Variants in PRKAR1A observed in about 807,000 individuals in gnomAD.
PRKAR1A encodes protein kinase cAMP-dependent type I regulatory subunit alpha.
In PRKAR1A, 3 loss-of-function variants were observed where a neutral mutation model predicts 52.0. The ratio of observed to expected loss-of-function variants is 0.06; its 90% confidence interval spans 0.03 to 0.15. PRKAR1A has a LOEUF of 0.15. Among genes scored for constraint, PRKAR1A ranks in the 10% least tolerant of loss-of-function variants. The pLI, the probability that PRKAR1A is intolerant of heterozygous loss-of-function variation, is 1.00. For synonymous variants in PRKAR1A, 188 were observed against 168.4 expected, an observed-to-expected ratio of 1.12 and a Z score of -0.90; for missense variants, 240 against 477.4, an observed-to-expected ratio of 0.50 and a Z score of 4.63.
At chr17:68,442,857 C>T in the PRKAR1A span, among the ~76,000 whole-genome samples, 3 of 152,172 alleles carry the variant, frequency 2.0e-5, no homozygotes, top group African/African-American at 7.2e-5. Context: ...GAAGGGAACT[C>T]GTGACAACTA....
At chr17:68,423,969 C>T in the PRKAR1A span, among the ~76,000 whole-genome samples, 1 of 151,896 alleles carries the variant, frequency 6.6e-6, no homozygotes, top group African/African-American at 2.4e-5. The surrounding 1 kb of genome is among the most constrained non-coding windows in gnomAD (Gnocchi z 4.4). Flanking sequence ...TGTGGTAAAC[C>T]CTGACAGAGT....
intron 10 of PRKAR1A, 78 bp from the exon 11 acceptor site, chr17:68,530,199 T>C: frequency 1.3e-6 from 2 of 1,561,268 alleles, no homozygotes; most frequent in Non-Finnish European, 8.8e-7. Context: ...ATCTATTGTC[T>C]TCTTTCTCAG....
the PRKAR1A span, among the ~76,000 whole-genome samples, chr17:68,456,278 T>C: frequency 6.6e-6 from 1 of 152,142 alleles, no homozygotes; most frequent in South Asian, 2.1e-4. Flanking sequence ...AACAGAAACA[T>C]AAAGGGAATG....
the PRKAR1A span, among the ~76,000 whole-genome samples, chr17:68,448,838 A>T: frequency 6.6e-6 from 1 of 152,228 alleles, no homozygotes; most frequent in African/African-American, 2.4e-5. Flanking sequence ...CAAGAATTTC[A>T]TCTAAAAGCC....
rs889468694 is a variant in PRKAR1A at position 68,539,364 on chromosome 17, A to G, written c.973+9363A>G. On this transcript the variant is annotated intron_variant, in intron 11 of 11. Coordinates refer to the PRKAR1A transcript ENST00000585981. ...GCAGCACTGGGAGAGAGGCGAGAGG[A>G]TGGAGATTTCATCATGGGAGTGTCG... The G allele has an allele frequency of 1.9e-6, 3 of 1,614,060 alleles. No individual in the cohort carries two copies. The African/African-American group carries it at 4.0e-5, about 22-fold the overall frequency.
rs940079046 is a variant in PRKAR1A at position 68,531,607 on chromosome 17, G to A, written c.*1158G>A. ...CAGCTAGAATTTCTGGTGGGTTGAT[G>A]GTAGGGTATAATGTGTCTGTGTTGC... On this transcript the variant is annotated 3_prime_UTR_variant, in exon 11 of 11. Coordinates refer to ENST00000589228, the MANE Select transcript of PRKAR1A (RefSeq NM_002734.5). The A allele has an allele frequency of 9.4e-7, 1 of 1,066,110 alleles. No homozygotes were observed. Among genetic ancestry groups the A allele is most frequent in the African/African-American group, 1.6e-5 (1 of 61,066 alleles). The allele number at this position is 1,066,110 out of a possible 1,614,324, so 66.0% of individuals were successfully genotyped here.
chr17:68,528,683 A>G (rs1343217216), intron 8 of PRKAR1A, 187 bp from the exon 9 acceptor site: 7 of 716,488 alleles, frequency 9.8e-6, no homozygotes, highest in South Asian at 1.8e-5. Context: ...TCTAAGGGCT[A>G]TCTGCAGGCA....
intron 11 of PRKAR1A, chr17:68,541,970 T>G (rs756286073): frequency 6.8e-6 from 11 of 1,610,674 alleles, no homozygotes; most frequent in South Asian, 1.1e-5. Context: ...CTGTGTGGCC[T>G]GGGGACCAAC....
At chr17:68,422,163 C>T in the PRKAR1A span, 2,480 of 226,064 alleles carry the variant, frequency 0.011, 66 homozygotes, top group African/African-American at 0.053. Context: ...CGCGGTGGCT[C>T]ACGCCTGTAA....
the PRKAR1A span, among the ~76,000 whole-genome samples, chr17:68,419,299 G>A: frequency 5.3e-5 from 8 of 152,184 alleles, no homozygotes; most frequent in Non-Finnish European, 1.0e-4. Flanking sequence ...GGTGGCTCAC[G>A]CCTGTAATCC....
intron 1 of PRKAR1A, 132 bp from the exon 2 acceptor site, chr17:68,515,262 C>A: frequency 1.1e-6 from 1 of 949,114 alleles, no homozygotes. Flanking sequence ...CCCCACTTCC[C>A]TGTTTAAAAA....
chr17:68,449,141 C>G, the PRKAR1A span, among the ~76,000 whole-genome samples: 2 of 152,134 alleles, frequency 1.3e-5, no homozygotes, highest in Admixed American at 6.6e-5. Context: ...AAACATTGTC[C>G]TCAATGAATG....
chr17:68,496,418 C>T, the PRKAR1A span, among the ~76,000 whole-genome samples: 2 of 152,162 alleles, frequency 1.3e-5, no homozygotes, highest in African/African-American at 4.8e-5. Context: ...AGCTTTCTAT[C>T]TTCCTCTTCC....
the PRKAR1A span, among the ~76,000 whole-genome samples, chr17:68,441,295 A>G: frequency 6.6e-6 from 1 of 152,352 alleles, no homozygotes; most frequent in African/African-American, 2.4e-5. Context: ...AGAAAGAAGG[A>G]AATTTACAGC....
At chr17:68,423,132 G>A in the PRKAR1A span, among the ~76,000 whole-genome samples, 1 of 152,188 alleles carries the variant, frequency 6.6e-6, no homozygotes, top group East Asian at 1.9e-4. The surrounding 1 kb of genome is among the most constrained non-coding windows in gnomAD (Gnocchi z 4.4). Flanking sequence ...ACCAAGCTGA[G>A]ACTCCAAGAG....
At chr17:68,520,143 C>T (rs2085560209) in intron 2 of PRKAR1A, among the ~76,000 whole-genome samples, 1 of 152,202 alleles carries the variant, frequency 6.6e-6, no homozygotes, top group Non-Finnish European at 1.5e-5. Context: ...AGAGGGAGGG[C>T]AGAAGCTCAA....
chr17:68,415,751 C>T, the PRKAR1A span, among the ~76,000 whole-genome samples: 5 of 152,264 alleles, frequency 3.3e-5, no homozygotes, highest in Admixed American at 1.3e-4. Flanking sequence ...CTGTTGGACA[C>T]GGCCTTTTAC....
the PRKAR1A span, among the ~76,000 whole-genome samples, chr17:68,500,764 T>A: frequency 6.6e-6 from 1 of 152,008 alleles, no homozygotes; most frequent in Non-Finnish European, 1.5e-5. Flanking sequence ...TTATCCACCC[T>A]CCTTGGCCTC....
the PRKAR1A span, chr17:68,452,934 G>T: frequency 6.2e-7 from 1 of 1,614,034 alleles, no homozygotes; most frequent in Non-Finnish European, 8.5e-7. Context: ...TGATCCAGCT[G>T]CTCCACAGAA....
Sources: allele counts gnomAD v4.1 joint callset (sites outside exome capture counted in the v4.1 genomes callset), GRCh38; gene constraint gnomAD v4.1.1; non-coding constraint Gnocchi (gnomAD v3.1); transcripts MANE v1.5; gene names NCBI Gene and HGNC (gene_info 2026-07-23, HGNC 2026-07-21).